Variants in TIAM1 observed in about 807,000 individuals in gnomAD.
TIAM1 encodes the protein rho guanine nucleotide exchange factor TIAM1.
A neutral mutation model predicts 163.5 loss-of-function variants in TIAM1; 65 were observed. That is an observed-to-expected ratio of 0.40 (90% CI 0.33 to 0.49). The LOEUF is 0.49. Among genes scored for constraint, TIAM1 ranks in the 20% least tolerant of loss-of-function variants. The pLI is 0.77. For synonymous variants in TIAM1, 833 were observed against 810.1 expected (o/e 1.03, Z -0.48); for missense variants, 1,789 against 2,044.7 (o/e 0.87, Z 2.41).
chr21:31,335,662 AC>A (rs2075813753), intron 2 of TIAM1, among the ~76,000 whole-genome samples: 1 of 151,248 alleles, frequency 6.6e-6, no homozygotes, highest in Non-Finnish European at 1.5e-5. Context: ...CCGAGATCAC[AC>A]CACTGCACTC....
At chr21:31,447,234 T>G (rs1395037757) in intron 2 of TIAM1, among the ~76,000 whole-genome samples, 1 of 152,092 alleles carries the variant, frequency 6.6e-6, no homozygotes, top group Non-Finnish European at 1.5e-5. Context: ...ACAAAATTTT[T>G]CTTTCTTTAT....
chr21:31,211,902 A>G (rs1425942374), intron 10 of TIAM1, among the ~76,000 whole-genome samples: 1 of 152,260 alleles, frequency 6.6e-6, no homozygotes, highest in Non-Finnish European at 1.5e-5. Context: ...TGCTACACAG[A>G]AATCCAATGG....
chr21:31,167,354 A>T (rs1186306081), intron 15 of TIAM1, among the ~76,000 whole-genome samples: 1 of 152,198 alleles, frequency 6.6e-6, no homozygotes, highest in Non-Finnish European at 1.5e-5. Context: ...AAGTGCTGGG[A>T]TTACAGGCAT....
chr21:31,265,352 T>C (rs765118253), intron 4 of TIAM1, among the ~76,000 whole-genome samples: 3 of 151,806 alleles, frequency 2.0e-5, no homozygotes, highest in Non-Finnish European at 4.4e-5. Context: ...GAGGAATGAC[T>C]AGAAGTCAGG....
rs117681100 is a variant in TIAM1, at chr21:31,415,353, G to A, written c.-369+48630C>T. 8.2e-3 allele frequency among the ~76,000 whole-genome samples: 1,253 copies of A among 152,262 alleles called. 8 individuals carry two copies. Among genetic ancestry groups the A allele is most frequent in the Middle Eastern group, 0.014 (4 of 294 alleles). On this transcript the variant is annotated intron_variant, in intron 2 of 28. Coordinates refer to the TIAM1 transcript ENST00000286827. ...TCCAGAGATTAAAAACTCAGTTACCGTCTAAGCAAACCCATTGAGTTCGCT... is the reference window on the plus strand; with the variant it reads ...TCCAGAGATTAAAAACTCAGTTACCATCTAAGCAAACCCATTGAGTTCGCT...
intron 15 of TIAM1, among the ~76,000 whole-genome samples, chr21:31,171,712 C>T (rs1162206233): frequency 6.6e-6 from 1 of 152,194 alleles, no homozygotes; most frequent in Non-Finnish European, 1.5e-5. Context: ...TTCGCCACTC[C>T]ATGAATTTGG....
At chr21:31,530,768 G>T (rs966092183) in intron 1 of TIAM1, among the ~76,000 whole-genome samples, 32 of 152,266 alleles carry the variant, frequency 2.1e-4, no homozygotes, top group Admixed American at 1.7e-3. Context: ...GCCTGGAAAT[G>T]TAAGTGGGCA....
chr21:31,134,534 A>G (rs2082542719), intron 23 of TIAM1, among the ~76,000 whole-genome samples: 1 of 151,956 alleles, frequency 6.6e-6, no homozygotes, highest in African/African-American at 2.4e-5. Context: ...TTTTTGAGAC[A>G]GAGTCTTGCT....
chr21:31,533,847 C>G (rs1159921374), intron 1 of TIAM1, among the ~76,000 whole-genome samples: 1 of 152,206 alleles, frequency 6.6e-6, no homozygotes, highest in African/African-American at 2.4e-5. Flanking sequence ...TTCAGACTAG[C>G]CACATGTCAA....
chr21:31,467,829 AT>A (rs1236598366), intron 1 of TIAM1, among the ~76,000 whole-genome samples: 5 of 152,086 alleles, frequency 3.3e-5, no homozygotes, highest in African/African-American at 1.2e-4. Context: ...CATGCCTGTA[AT>A]CCTAGCACTT....
At chr21:31,432,125 G>A (rs553219182) in intron 2 of TIAM1, among the ~76,000 whole-genome samples, 42 of 115,920 alleles carry the variant, frequency 3.6e-4, no homozygotes, top group Non-Finnish European at 5.5e-4. Context: ...TTTTTGAGAC[G>A]GAGTCTCGCT....
intron 2 of TIAM1, among the ~76,000 whole-genome samples, chr21:31,367,401 C>A (rs1182087254): frequency 2.6e-5 from 4 of 152,144 alleles, no homozygotes; most frequent in African/African-American, 9.7e-5. Flanking sequence ...GTACCCAGAC[C>A]AACAGGCCGA....
chr21:31,334,539 G>A (rs531421074), intron 2 of TIAM1, among the ~76,000 whole-genome samples: 80 of 152,232 alleles, frequency 5.3e-4, no homozygotes, highest in African/African-American at 1.9e-3. Context: ...ACCTAACTGC[G>A]CTATCTTGAC....
intron 2 of TIAM1, among the ~76,000 whole-genome samples, chr21:31,454,145 G>GA (rs1442759408): frequency 6.6e-6 from 1 of 152,148 alleles, no homozygotes; most frequent in Admixed American, 6.5e-5. Context: ...TTGTTATGTT[G>GA]ATTGTTTTTG....
chr21:31,386,972 G>A (rs555354265), intron 2 of TIAM1, among the ~76,000 whole-genome samples: 145 of 152,126 alleles, frequency 9.5e-4, no homozygotes, highest in Non-Finnish European at 1.7e-3. Context: ...GCATGGCCCC[G>A]CTGGGCTGGG....
intron 2 of TIAM1, among the ~76,000 whole-genome samples, chr21:31,412,170 A>G (rs957814406): frequency 1.3e-5 from 2 of 152,224 alleles, no homozygotes; most frequent in African/African-American, 2.4e-5. Flanking sequence ...ATCTTAAGTC[A>G]GACACAGAAA....
upstream of TIAM1, among the ~76,000 whole-genome samples, chr21:31,347,002 G>A (rs1459200827): frequency 6.6e-6 from 1 of 152,060 alleles, no homozygotes; most frequent in Non-Finnish European, 1.5e-5. Flanking sequence ...GGGGACGTGG[G>A]GGAACAGTAG....
rs773087856 is a variant in TIAM1 at position 31,146,995 on chromosome 21, C to G, written c.3375G>C (p.Leu1125=). The G allele has an allele frequency of 4.3e-6, 7 of 1,613,310 alleles. No individual in the cohort carries two copies. Among genetic ancestry groups the G allele is most frequent in the Non-Finnish European group, 5.1e-6 (6 of 1,179,476 alleles). The change falls in exon 20 of 28, where the codon CTG becomes CTC. Residue 1125 remains leucine (L), a synonymous_variant. Coordinates refer to ENST00000541036, the MANE Select transcript of TIAM1 (RefSeq NM_001353694.2). ...ACAGGAATGATCCCCCCAGAGAGAA[C>G]AGCACTTTCTGGATTTGACGAGAAA... ...LEKVDQFKKV[L]FSLGGSFLYY... is the part of the protein sequence containing the mutation.
intron 1 of TIAM1, among the ~76,000 whole-genome samples, chr21:31,465,385 G>C (rs889770752): frequency 5.9e-5 from 9 of 151,980 alleles, no homozygotes; most frequent in Admixed American, 4.6e-4. Flanking sequence ...GTGCCACTAT[G>C]CTTGGTTAAA....
Sources: allele counts gnomAD v4.1 joint callset (sites outside exome capture counted in the v4.1 genomes callset), GRCh38; gene constraint gnomAD v4.1.1; transcripts MANE v1.5; gene names NCBI Gene and HGNC (gene_info 2026-07-23, HGNC 2026-07-21).